FRMD5: variants seen among roughly 807,000 people sequenced by gnomAD.
FRMD5 encodes FERM domain-containing protein 5.
FRMD5 carries 20 observed loss-of-function variants against 69.0 expected under a neutral mutation model. The observed-to-expected ratio is 0.29, with a 90% CI of 0.20 to 0.42. The LOEUF is 0.42. FRMD5 is among the 10% of genes least tolerant of loss of function. The pLI is 1.00. For missense variants in FRMD5, 595 were observed against 708.6 expected, an observed-to-expected ratio of 0.84 and a Z score of 1.82; for synonymous variants, 271 against 260.1, an observed-to-expected ratio of 1.04 and a Z score of -0.40.
At chr15:43,900,220 C>G (rs1182699823) in intron 7 of FRMD5, among the ~76,000 whole-genome samples, 1 of 152,170 alleles carries the variant, frequency 6.6e-6, no homozygotes, top group Non-Finnish European at 1.5e-5. Flanking sequence ...GGATGGGAAC[C>G]GGAGCCCAGG....
intron 1 of FRMD5, among the ~76,000 whole-genome samples, chr15:44,030,927 C>T (rs1891651781): frequency 6.6e-6 from 1 of 150,500 alleles, no homozygotes; most frequent in Non-Finnish European, 1.5e-5. Context: ...TCTATTAAAA[C>T]AACAAGAATT....
At chr15:44,040,598 T>C (rs960193494) in intron 1 of FRMD5, among the ~76,000 whole-genome samples, 3 of 152,132 alleles carry the variant, frequency 2.0e-5, no homozygotes, top group African/African-American at 7.2e-5. Context: ...TAAAATATTT[T>C]ACAGACAAGC....
chr15:43,957,491 C>T (rs1403070815), intron 1 of FRMD5, among the ~76,000 whole-genome samples: 1 of 152,228 alleles, frequency 6.6e-6, no homozygotes, highest in African/African-American at 2.4e-5. Flanking sequence ...AGCCATTAAG[C>T]CCAGCCTCTG....
chr15:44,173,667 T>A (rs1317257394), intron 1 of FRMD5, among the ~76,000 whole-genome samples: 1 of 152,104 alleles, frequency 6.6e-6, no homozygotes, highest in Non-Finnish European at 1.5e-5. Context: ...TGTGCCATCA[T>A]GCCTGGCTAA....
At chr15:43,948,427 C>G (rs34049891) in intron 1 of FRMD5, among the ~76,000 whole-genome samples, 3 of 152,164 alleles carry the variant, frequency 2.0e-5, no homozygotes, top group African/African-American at 7.2e-5. Flanking sequence ...ATCCTTTCTT[C>G]TAAATTCAAA....
chr15:44,189,751 C>G (rs901960997), intron 1 of FRMD5, among the ~76,000 whole-genome samples: 1 of 152,092 alleles, frequency 6.6e-6, no homozygotes, highest in African/African-American at 2.4e-5. Flanking sequence ...CTCAGCCTAC[C>G]AAATTGCCAG....
intron 1 of FRMD5, among the ~76,000 whole-genome samples, chr15:43,986,703 G>T (rs1889410235): frequency 8.4e-6 from 1 of 119,060 alleles, no homozygotes; most frequent in African/African-American, 3.0e-5. Flanking sequence ...GGCAAGTACT[G>T]TTAAAGTACT....
intron 1 of FRMD5, among the ~76,000 whole-genome samples, chr15:44,171,872 T>C (rs1249119896): frequency 6.6e-6 from 1 of 152,248 alleles, no homozygotes; most frequent in Non-Finnish European, 1.5e-5. Context: ...CAAATGATTC[T>C]GGTGCCTCAG....
chr15:43,972,153 T>C (rs1180426859), intron 1 of FRMD5, among the ~76,000 whole-genome samples: 2 of 151,286 alleles, frequency 1.3e-5, no homozygotes, highest in Non-Finnish European at 2.9e-5. Flanking sequence ...CAACAGGCAC[T>C]GAATATGCCT....
intron 1 of FRMD5, among the ~76,000 whole-genome samples, chr15:44,160,092 G>A (rs923034423): frequency 1.2e-4 from 18 of 152,222 alleles, no homozygotes; most frequent in Non-Finnish European, 2.2e-4. Context: ...AGTGGCTCAC[G>A]CCCATAATCC....
intron 1 of FRMD5, among the ~76,000 whole-genome samples, chr15:44,041,322 T>C (rs1002192758): frequency 2.0e-5 from 3 of 152,220 alleles, no homozygotes; most frequent in Non-Finnish European, 2.9e-5. Context: ...TATCCAGGAC[T>C]TGAACTCAGC....
At chr15:44,125,463 C>T (rs1003594509) in intron 1 of FRMD5, among the ~76,000 whole-genome samples, 1 of 152,088 alleles carries the variant, frequency 6.6e-6, no homozygotes, top group Non-Finnish European at 1.5e-5. Context: ...CCAAGCTAAA[C>T]GTTAGATGAT....
At chr15:44,007,586 T>C (rs1237739589) in intron 1 of FRMD5, among the ~76,000 whole-genome samples, 3 of 151,740 alleles carry the variant, frequency 2.0e-5, no homozygotes, top group Non-Finnish European at 4.4e-5. Flanking sequence ...GATATTTTTA[T>C]CTTTTAATTT....
chr15:44,178,385 A>G (rs1252905675), intron 1 of FRMD5, among the ~76,000 whole-genome samples: 2 of 152,182 alleles, frequency 1.3e-5, no homozygotes, highest in African/African-American at 2.4e-5. Context: ...ACAGAAAACT[A>G]TATTTGGAAA....
chr15:43,990,023 C>T (rs1889594646), intron 1 of FRMD5: 1 of 838,014 alleles, frequency 1.2e-6, no homozygotes, highest in Non-Finnish European at 2.1e-6. Context: ...TCGTTGCCCA[C>T]ATAGGAGTCC....
chr15:44,186,087 C>G (rs1410800183), intron 1 of FRMD5, among the ~76,000 whole-genome samples: 1 of 152,042 alleles, frequency 6.6e-6, no homozygotes, highest in Non-Finnish European at 1.5e-5. Flanking sequence ...GTCACCACAC[C>G]CAGCTAATTT....
chr15:43,927,139 GCAATAAATCT>G (rs1453626392), intron 1 of FRMD5, among the ~76,000 whole-genome samples: 1 of 151,990 alleles, frequency 6.6e-6, no homozygotes, highest in Non-Finnish European at 1.5e-5. Flanking sequence ...TTTGCCCTTT[GCAATAAATCT>G]CAATAAATCT....
intron 1 of FRMD5, among the ~76,000 whole-genome samples, chr15:44,005,544 T>C (rs1024309186): frequency 2.0e-5 from 3 of 151,140 alleles, no homozygotes; most frequent in Admixed American, 1.3e-4. Flanking sequence ...AGAGGTTTAA[T>C]TGACTCAGTT....
intron 1 of FRMD5, among the ~76,000 whole-genome samples, chr15:43,954,652 T>C (rs1245921016): frequency 6.6e-6 from 1 of 152,210 alleles, no homozygotes; most frequent in Non-Finnish European, 1.5e-5. Context: ...TTCCATAGCA[T>C]CTCTTTCTAC....
Sources: gnomAD v4.1 joint callset for allele counts (sites outside exome capture counted in the v4.1 genomes callset) on GRCh38, gnomAD v4.1.1 for gene constraint, MANE v1.5 for transcripts, NCBI Gene and HGNC (gene_info 2026-07-23, HGNC 2026-07-21) for gene names.